Variants in ZFAND3 observed in about 807,000 individuals in gnomAD.
The protein encoded by ZFAND3 is zinc finger AN1-type containing 3.
In ZFAND3, 10 loss-of-function variants were observed where a neutral mutation model predicts 29.6. The observed-to-expected ratio is 0.34, with a 90% confidence interval of 0.21 to 0.57. ZFAND3 has a LOEUF of 0.57. Among genes scored for constraint, ZFAND3 ranks in the 20% least tolerant of loss-of-function variants. The probability of loss-of-function intolerance (pLI) is 0.86; values close to 1 mark genes in which losing one functional copy is unlikely to be tolerated. For synonymous variants in ZFAND3, 128 were observed against 112.6 expected, an observed-to-expected ratio of 1.14 and a Z score of -0.87; for missense variants, 230 against 304.5, an observed-to-expected ratio of 0.76 and a Z score of 1.82.
chr6:38,094,076 T>C (rs1271762310), intron 4 of ZFAND3, among the ~76,000 whole-genome samples: 1 of 152,146 alleles, frequency 6.6e-6, no homozygotes, highest in East Asian at 1.9e-4. Context: ...AATGAGTAGA[T>C]AGTTAGCTGA....
At chr6:38,142,058 A>G (rs2127495569) in intron 5 of ZFAND3, among the ~76,000 whole-genome samples, 1 of 152,352 alleles carries the variant, frequency 6.6e-6, no homozygotes, top group South Asian at 2.1e-4. Context: ...ACTTGGGTCT[A>G]AAGCTCACAC....
intron 2 of ZFAND3, among the ~76,000 whole-genome samples, chr6:37,935,527 G>C (rs1761682507): frequency 6.6e-6 from 1 of 151,916 alleles, no homozygotes. Flanking sequence ...CTCATTAGTG[G>C]GTAGACAATT....
chr6:37,855,713 A>G (rs1320461099), intron 1 of ZFAND3, among the ~76,000 whole-genome samples: 1 of 152,096 alleles, frequency 6.6e-6, no homozygotes, highest in Non-Finnish European at 1.5e-5. Flanking sequence ...TGATTTAACC[A>G]TTGTGAAATC....
chr6:37,924,573 A>G (rs1247869153), intron 1 of ZFAND3, among the ~76,000 whole-genome samples: 1 of 152,052 alleles, frequency 6.6e-6, no homozygotes, highest in African/African-American at 2.4e-5. Context: ...TGTAGCTCAC[A>G]CCTGTAATCC....
At chr6:38,133,069 G>A (rs9470790) in intron 5 of ZFAND3, among the ~76,000 whole-genome samples, 4,485 of 152,264 alleles carry the variant, frequency 0.029, 167 homozygotes, top group African/African-American at 0.085. Context: ...TTTTCTCAGT[G>A]AGGCCCTCAC....
chr6:37,869,633 T>C (rs991555359), intron 1 of ZFAND3, among the ~76,000 whole-genome samples: 1 of 151,354 alleles, frequency 6.6e-6, no homozygotes, highest in African/African-American at 2.4e-5. Context: ...CTCACACTCC[T>C]GAGTAGCTGG....
chr6:38,055,981 T>G (rs1324662551), intron 2 of ZFAND3, among the ~76,000 whole-genome samples: 2 of 152,234 alleles, frequency 1.3e-5, no homozygotes, highest in African/African-American at 4.8e-5. Flanking sequence ...GACTGACAAG[T>G]GAACGGATGA....
intron 1 of ZFAND3, among the ~76,000 whole-genome samples, chr6:37,851,674 C>G (rs1764284717): frequency 1.3e-5 from 2 of 151,962 alleles, no homozygotes; most frequent in South Asian, 4.2e-4. Flanking sequence ...AATTTTTGTT[C>G]AAGAATGAAA....
chr6:38,000,245 C>T (rs760483377), intron 2 of ZFAND3, among the ~76,000 whole-genome samples: 1 of 152,106 alleles, frequency 6.6e-6, no homozygotes, highest in Non-Finnish European at 1.5e-5. Flanking sequence ...CCCATAGCAC[C>T]TTCCATTAAT....
At chr6:37,845,313 C>T (rs905126776) in intron 1 of ZFAND3, among the ~76,000 whole-genome samples, 6 of 152,090 alleles carry the variant, frequency 3.9e-5, no homozygotes, top group African/African-American at 1.4e-4. Flanking sequence ...TTATATACAC[C>T]CTCCTTATCA....
At chr6:37,915,927 G>A (rs762917840) in intron 1 of ZFAND3, among the ~76,000 whole-genome samples, 1 of 151,924 alleles carries the variant, frequency 6.6e-6, no homozygotes, top group Non-Finnish European at 1.5e-5. Context: ...GTGCCACCAC[G>A]CCCAGCTAAT....
rs1766269319 is a variant in ZFAND3 at position 38,153,134 on chromosome 6, C to T, written c.*745C>T. On this transcript the variant is annotated 3_prime_UTR_variant, in exon 6 of 6. Transcript: ENST00000287218. ...AGGTCACGAGAAGCAGCCAGAGTGC[C>T]CCGCCTCCGCCGGCTCTGGTCTGCC... 1 of 985,530 alleles carries T rather than the reference C, an allele frequency of 1.0e-6. No individual in the cohort carries two copies. 61.0% of individuals were successfully genotyped at this position (985,530 alleles called of 1,614,324 possible). A position where few individuals can be genotyped will look rare whatever the true frequency, so the allele number is the denominator to read the frequency against.
At chr6:37,965,346 G>C (rs540533136) in intron 2 of ZFAND3, among the ~76,000 whole-genome samples, 2 of 152,166 alleles carry the variant, frequency 1.3e-5, no homozygotes, top group Admixed American at 1.3e-4. Flanking sequence ...GAGTAGCACT[G>C]TCCTGGTGTA....
At chr6:38,106,595 T>C (rs1765214513) in intron 4 of ZFAND3, among the ~76,000 whole-genome samples, 1 of 152,234 alleles carries the variant, frequency 6.6e-6, no homozygotes, top group Admixed American at 6.5e-5. Flanking sequence ...ATCTACTTCT[T>C]AAGCACCCCA....
chr6:37,840,185 C>T (rs1008871455), intron 1 of ZFAND3, among the ~76,000 whole-genome samples: 2 of 152,004 alleles, frequency 1.3e-5, no homozygotes, highest in Admixed American at 6.6e-5. Flanking sequence ...GCAACCTCTG[C>T]CTTCTGGGTT....
intron 1 of ZFAND3, among the ~76,000 whole-genome samples, chr6:37,890,939 C>G (rs1178947783): frequency 6.6e-6 from 1 of 152,212 alleles, no homozygotes. Context: ...AATCTCTTTA[C>G]AGAAACATCG....
chr6:37,874,392 G>A (rs1764754706), intron 1 of ZFAND3, among the ~76,000 whole-genome samples: 1 of 151,864 alleles, frequency 6.6e-6, no homozygotes, highest in South Asian at 2.1e-4. Flanking sequence ...GCGCATGCCT[G>A]TAATCCCAGC....
chr6:37,886,832 T>TA (rs1391345223), intron 1 of ZFAND3, among the ~76,000 whole-genome samples: 2 of 152,004 alleles, frequency 1.3e-5, no homozygotes, highest in African/African-American at 2.4e-5. Context: ...CAGTCTCTAC[T>TA]AAAAAAACAA....
chr6:37,880,902 C>T (rs1764880842), intron 1 of ZFAND3, among the ~76,000 whole-genome samples: 1 of 150,014 alleles, frequency 6.7e-6, no homozygotes, highest in Admixed American at 6.6e-5. Flanking sequence ...GGGAGATATA[C>T]CTAATGATAG....
Sources: allele counts gnomAD v4.1 joint callset (sites outside exome capture counted in the v4.1 genomes callset), GRCh38; gene constraint gnomAD v4.1.1; transcripts MANE v1.5; gene names NCBI Gene and HGNC (gene_info 2026-07-23, HGNC 2026-07-21).